FANCI: variants seen among roughly 807,000 people sequenced by gnomAD.
FANCI encodes Fanconi anemia group I protein.
In FANCI, 156 loss-of-function variants were observed where a neutral mutation model predicts 176.1. The ratio of observed to expected loss-of-function variants is 0.89; its 90% confidence interval spans 0.78 to 1.01. FANCI has a LOEUF of 1.01. Among genes scored for constraint, FANCI ranks in the 50% least tolerant of loss-of-function variants. The pLI, the probability that FANCI is intolerant of heterozygous loss-of-function variation, is 0.00. For missense variants in FANCI, 1,678 were observed against 1,534.1 expected, an observed-to-expected ratio of 1.09 and a Z score of -1.57; for synonymous variants, 613 against 541.7, an observed-to-expected ratio of 1.13 and a Z score of -1.83.
intron 19 of FANCI, among the ~76,000 whole-genome samples, chr15:89,291,164 G>C (rs1374823722): frequency 6.6e-6 from 1 of 152,104 alleles, no homozygotes; most frequent in Non-Finnish European, 1.5e-5. Flanking sequence ...GCCAAATACT[G>C]TTTGAAGTAC....
intron 34 of FANCI, chr15:89,308,246 T>G (rs1177609052): frequency 3.4e-6 from 3 of 882,734 alleles, no homozygotes; most frequent in Non-Finnish European, 4.1e-6. Context: ...TTTTGGGATG[T>G]TGAGTAGCAT....
At chr15:89,281,385 T>A in intron 15 of FANCI, 85 bp downstream of exon 15, 1 of 1,495,360 alleles carries the variant, frequency 6.7e-7, no homozygotes, top group Non-Finnish European at 9.3e-7. Flanking sequence ...TATAAATATA[T>A]ATGTCTAAGA....
At chr15:89,260,990 G>C in intron 4 of FANCI, 147 bp downstream of exon 4, 3 of 1,034,714 alleles carry the variant, frequency 2.9e-6, no homozygotes, top group Non-Finnish European at 4.3e-6. Flanking sequence ...AGCAGGCCGG[G>C]CATGGTGACT....
In FANCI at chr15:89,278,670, T is replaced by C. The variant is rs1483700241; in HGVS notation, c.1294-17T>C. The C allele has an allele frequency of 1.2e-6, 2 of 1,600,238 alleles. No individual in the cohort carries two copies. Among genetic ancestry groups the C allele is most frequent in the Admixed American group, 1.7e-5 (1 of 59,990 alleles). On this transcript the variant is annotated splice_polypyrimidine_tract_variant and intron_variant, in intron 13 of 37. Coordinates refer to ENST00000310775, the MANE Select transcript of FANCI (RefSeq NM_001113378.2). ...AAGGGTCACCCAGGAATATTTTATT[T>C]ATTCTGTTCTTTTTAGATCCATGAG...
intron 27 of FANCI, among the ~76,000 whole-genome samples, chr15:89,303,658 G>T (rs957111727): frequency 6.6e-6 from 1 of 152,134 alleles, no homozygotes; most frequent in Admixed American, 6.5e-5. Flanking sequence ...TAGACATTGA[G>T]AATTAAATTA....
At chr15:89,276,223 A>G (rs554997528) in intron 12 of FANCI, among the ~76,000 whole-genome samples, 49 of 152,380 alleles carry the variant, frequency 3.2e-4, no homozygotes, top group African/African-American at 1.1e-3. Flanking sequence ...TTGATACCAG[A>G]TCACTCATCC....
At chr15:89,287,934 C>T (rs540241857) in intron 18 of FANCI, among the ~76,000 whole-genome samples, 1 of 151,994 alleles carries the variant, frequency 6.6e-6, no homozygotes, top group Non-Finnish European at 1.5e-5. Context: ...TCATAGATCC[C>T]CATAACACAT....
In FANCI at chr15:89,278,756, C is replaced by CTGGTA; in HGVS notation, c.1363_1364insTGGTA (p.Pro455LeufsTer8). 6.2e-7 allele frequency: 1 copy of CTGGTA among 1,613,166 alleles called. No individual in the cohort carries two copies. Among genetic ancestry groups the CTGGTA allele is most frequent in the Non-Finnish European group, 8.5e-7 (1 of 1,179,210 alleles). ...CAGGGTTGTTACCAGAGCATCTTCT[C>CTGGTA]CCATCAGTCATTTCTTAGGTATTCA... is the stretch of plus-strand genomic sequence containing the variant. On this transcript the variant is annotated frameshift_variant, in exon 14 of 38. Coordinates refer to ENST00000310775, the MANE Select transcript of FANCI (RefSeq NM_001113378.2). LOFTEE classifies it high-confidence loss of function.
At chr15:89,313,847 A>AG (rs2055064428) in intron 35 of FANCI, among the ~76,000 whole-genome samples, 2 of 152,116 alleles carry the variant, frequency 1.3e-5, no homozygotes, top group Non-Finnish European at 2.9e-5. Flanking sequence ...CTCTGGAATT[A>AG]TCTCCAAGAT....
At chr15:89,314,827 TCCCCCCTCTCC>T in intron 36 of FANCI, 120 bp downstream of exon 36, 2 of 328,878 alleles carry the variant, frequency 6.1e-6, no homozygotes, top group Non-Finnish European at 1.0e-5. Flanking sequence ...GTGTTTGCCA[TCCCCCCTCTCC>T]CCCCCCCCCC....
At chr15:89,272,503 C>A (rs2151427805) in intron 10 of FANCI, among the ~76,000 whole-genome samples, 1 of 152,060 alleles carries the variant, frequency 6.6e-6, no homozygotes, top group East Asian at 1.9e-4. Context: ...TCCAGTTTAT[C>A]AATTTTTTCT....
intron 28 of FANCI, among the ~76,000 whole-genome samples, chr15:89,304,645 G>T (rs1165124683): frequency 6.6e-6 from 1 of 152,194 alleles, no homozygotes; most frequent in Non-Finnish European, 1.5e-5. Flanking sequence ...CAGACTAGCT[G>T]CTTGGCTGTA....
At chr15:89,303,121 T>C (rs1247036248) in intron 27 of FANCI, among the ~76,000 whole-genome samples, 1 of 152,256 alleles carries the variant, frequency 6.6e-6, no homozygotes, top group Non-Finnish European at 1.5e-5. Context: ...TTCTGCATCC[T>C]GCTTATTTCA....
intron 2 of FANCI, among the ~76,000 whole-genome samples, chr15:89,253,889 C>A (rs2052380180): frequency 7.0e-6 from 1 of 143,120 alleles, no homozygotes; most frequent in Non-Finnish European, 1.5e-5. Flanking sequence ...AAAATATGCT[C>A]AACTTCACTC....
intron 25 of FANCI, 142 bp from the exon 26 acceptor site, chr15:89,300,158 T>C: frequency 9.7e-7 from 1 of 1,028,508 alleles, no homozygotes; most frequent in Non-Finnish European, 1.5e-6. Context: ...GAAAATGGAA[T>C]ATAGTATTAA....
chr15:89,302,094 G>A (rs1021742415), intron 27 of FANCI, among the ~76,000 whole-genome samples: 1 of 152,188 alleles, frequency 6.6e-6, no homozygotes, highest in Non-Finnish European at 1.5e-5. Context: ...GGATGATAGA[G>A]TACCTTCAGG....
At chr15:89,303,470 A>G (rs1302488641) in intron 27 of FANCI, among the ~76,000 whole-genome samples, 1 of 152,024 alleles carries the variant, frequency 6.6e-6, no homozygotes, top group Non-Finnish European at 1.5e-5. Context: ...TGCTAATTCT[A>G]CTGTTCTTAT....
chr15:89,293,191 C>A, intron 22 of FANCI, 128 bp downstream of exon 22: 2 of 995,828 alleles, frequency 2.0e-6, no homozygotes, highest in Non-Finnish European at 1.5e-6. Context: ...AAATGAGCAC[C>A]TAGTCTAAGA....
At chr15:89,265,257 G>T (rs1401982622) in intron 9 of FANCI, among the ~76,000 whole-genome samples, 1 of 152,124 alleles carries the variant, frequency 6.6e-6, no homozygotes, top group Non-Finnish European at 1.5e-5. Flanking sequence ...GCCCAGGCTG[G>T]AGTACATTGG....
Sources: gnomAD v4.1 joint callset for allele counts (sites outside exome capture counted in the v4.1 genomes callset) on GRCh38, gnomAD v4.1.1 for gene constraint, MANE v1.5 for transcripts, NCBI Gene and HGNC (gene_info 2026-07-23, HGNC 2026-07-21) for gene names.